The following VCL variants were observed in gnomAD, a reference collection of about 807,000 sequenced individuals.
The protein encoded by VCL is vinculin, also known as epididymis luminal protein 114.
In VCL, 47 loss-of-function variants were observed where a neutral mutation model predicts 125.7. The observed-to-expected ratio is 0.37, with a 90% CI of 0.30 to 0.48. The LOEUF (loss-of-function observed/expected upper bound fraction) is 0.48, where lower values mean the gene tolerates loss of function less well. Ranked by LOEUF, VCL falls within the 20% of genes least tolerant of loss-of-function variation. VCL has a pLI of 0.99. For synonymous variants in VCL, 458 were observed against 514.6 expected (o/e 0.89, Z 1.49); for missense variants, 1,069 against 1,455.5 (o/e 0.73, Z 4.32).
intron 18 of VCL, among the ~76,000 whole-genome samples, chr10:74,110,123 G>A (rs537604098): frequency 1.4e-4 from 22 of 152,252 alleles, no homozygotes; most frequent in Non-Finnish European, 2.8e-4. Context: ...AGAAGGAAGG[G>A]AGACTTTGCT....
Position 74,105,115 on chromosome 10 carries a change from A to G in VCL, c.2196A>G (p.Lys732=). The G allele has an allele frequency of 6.2e-7, 1 of 1,614,240 alleles. No homozygotes were observed. Among genetic ancestry groups the G allele is most frequent in the Non-Finnish European group, 8.5e-7 (1 of 1,180,040 alleles). Reference sequence around the variant, plus strand: ...ATGCTTCAGAAGAAGCAATTAAAAAAGACCTGGACAAGTGCAAGGTAGCTA... The same window carrying G: ...ATGCTTCAGAAGAAGCAATTAAAAAGGACCTGGACAAGTGCAAGGTAGCTA... ...LLDASEEAIK[K]DLDKCKVAMA... The change falls in exon 16 of 22, where the codon AAA becomes AAG. Residue 732 remains lysine (K), a synonymous_variant. Transcript: ENST00000211998.
intron 8 of VCL, among the ~76,000 whole-genome samples, chr10:74,085,856 T>TTTTTA (rs766776412): frequency 5.9e-5 from 9 of 152,228 alleles, no homozygotes; most frequent in East Asian, 3.9e-4. Flanking sequence ...TATTTATTTA[T>TTTTTA]TTTTATTTTA....
chr10:74,096,312 C>T (rs965839022), intron 12 of VCL, among the ~76,000 whole-genome samples: 1 of 151,944 alleles, frequency 6.6e-6, no homozygotes, highest in Non-Finnish European at 1.5e-5. Context: ...AAGATCACGT[C>T]ACTGCACTCC....
chr10:74,098,380 T>C (rs2131919787), intron 13 of VCL, among the ~76,000 whole-genome samples: 1 of 152,328 alleles, frequency 6.6e-6, no homozygotes, highest in Admixed American at 6.5e-5. Context: ...TTAATGTATT[T>C]ACCCATTTTT....
intron 13 of VCL, among the ~76,000 whole-genome samples, chr10:74,098,804 A>G (rs932980992): frequency 6.6e-6 from 1 of 152,008 alleles, no homozygotes; most frequent in Non-Finnish European, 1.5e-5. Flanking sequence ...TTAGGCTGAG[A>G]TGATTTGCTA....
intron 14 of VCL, among the ~76,000 whole-genome samples, chr10:74,101,738 T>C (rs900613237): frequency 2.6e-5 from 4 of 151,598 alleles, no homozygotes; most frequent in South Asian, 4.2e-4. Flanking sequence ...TTTGTATTTT[T>C]AGTAGAGACG....
chr10:74,101,656 C>T (rs373581032), intron 14 of VCL, among the ~76,000 whole-genome samples: 10 of 148,172 alleles, frequency 6.7e-5, no homozygotes, highest in Middle Eastern at 7.0e-3. Context: ...CCCGGGTTCA[C>T]GCCATTCTCC....
chr10:74,031,147 A>T (rs145450428), intron 1 of VCL, among the ~76,000 whole-genome samples: 2 of 152,332 alleles, frequency 1.3e-5, no homozygotes, highest in South Asian at 2.1e-4. Context: ...GTTATCATAG[A>T]TCCTCAATTA....
intron 1 of VCL, among the ~76,000 whole-genome samples, chr10:74,016,457 A>G (rs1469549127): frequency 6.6e-6 from 1 of 152,034 alleles, no homozygotes; most frequent in Non-Finnish European, 1.5e-5. Context: ...CAAAAAGTAT[A>G]AAAATTAACT....
intron 10 of VCL, 34 bp from the exon 11 acceptor site, chr10:74,094,237 A>C: frequency 6.2e-7 from 1 of 1,613,408 alleles, no homozygotes; most frequent in Non-Finnish European, 8.5e-7. Flanking sequence ...AATAGTGTTT[A>C]TGTGTGACAG....
At chr10:74,096,340 G>A (rs1429912896) in intron 12 of VCL, among the ~76,000 whole-genome samples, 3 of 151,808 alleles carry the variant, frequency 2.0e-5, no homozygotes, top group Admixed American at 2.0e-4. Context: ...GTGACAGAGC[G>A]AGACTCCATT....
chr10:74,028,842 T>G (rs1345508449), intron 1 of VCL, among the ~76,000 whole-genome samples: 2 of 152,240 alleles, frequency 1.3e-5, no homozygotes, highest in Non-Finnish European at 2.9e-5. Flanking sequence ...CTTTGAGTTC[T>G]GTTACATAGC....
chr10:74,007,411 A>T (rs1840340021), intron 1 of VCL, among the ~76,000 whole-genome samples: 1 of 152,084 alleles, frequency 6.6e-6, no homozygotes, highest in Non-Finnish European at 1.5e-5. Context: ...CTGTTATTAC[A>T]CTCATACTTG....
At chr10:74,084,839 C>T (rs1450592949) in intron 8 of VCL, among the ~76,000 whole-genome samples, 8 of 145,560 alleles carry the variant, frequency 5.5e-5, no homozygotes, top group Non-Finnish European at 9.1e-5. Flanking sequence ...CTCAAACTTC[C>T]GGCCTCAGGT....
At chr10:74,078,374 AC>A (rs1304763242) in intron 6 of VCL, among the ~76,000 whole-genome samples, 1 of 151,984 alleles carries the variant, frequency 6.6e-6, no homozygotes, top group South Asian at 2.1e-4. Context: ...GTGTAATACT[AC>A]CCCCTTACTT....
chr10:74,000,441 AGTCTTC>A (rs1840206059), intron 1 of VCL, among the ~76,000 whole-genome samples: 2 of 151,658 alleles, frequency 1.3e-5, no homozygotes, highest in Non-Finnish European at 2.9e-5. Context: ...TTTGAGATGG[AGTCTTC>A]CTCTGTCACG....
At chr10:74,090,586 A>G (rs1272177936) in intron 10 of VCL, among the ~76,000 whole-genome samples, 6 of 152,112 alleles carry the variant, frequency 3.9e-5, no homozygotes, top group South Asian at 2.1e-4. Context: ...AAAGACTCCT[A>G]TGTGTATATG....
chr10:74,111,780 C>T (rs1840223160), intron 18 of VCL, 129 bp from the exon 19 acceptor site: 3 of 1,232,910 alleles, frequency 2.4e-6, no homozygotes, highest in Non-Finnish European at 3.5e-6. Context: ...CACAAGGCTC[C>T]TAGAGAACAT....
At chr10:74,060,987 T>A (rs1256815585) in intron 2 of VCL, among the ~76,000 whole-genome samples, 1 of 152,026 alleles carries the variant, frequency 6.6e-6, no homozygotes, top group Non-Finnish European at 1.5e-5. Flanking sequence ...TTTCTAGCAA[T>A]TTAGGTTGAA....
Sources: gnomAD v4.1 joint callset for allele counts (sites outside exome capture counted in the v4.1 genomes callset) on GRCh38, gnomAD v4.1.1 for gene constraint, MANE v1.5 for transcripts, NCBI Gene and HGNC (gene_info 2026-07-23, HGNC 2026-07-21) for gene names.